The following DCLRE1C variants were observed in gnomAD, a reference collection of about 807,000 sequenced individuals.
The protein encoded by DCLRE1C is protein artemis.
Under a neutral mutation model 61.4 loss-of-function variants are expected in DCLRE1C, and 47 were observed. The observed-to-expected ratio is 0.77, with a 90% CI of 0.61 to 0.98. The LOEUF is 0.98. Ranked by LOEUF, DCLRE1C falls within the 50% of genes least tolerant of loss-of-function variation. The probability of loss-of-function intolerance (pLI) is 0.00; values close to 1 mark genes in which losing one functional copy is unlikely to be tolerated. For synonymous variants in DCLRE1C, 337 were observed against 287.6 expected, an observed-to-expected ratio of 1.17 and a Z score of -1.74; for missense variants, 858 against 816.0, an observed-to-expected ratio of 1.05 and a Z score of -0.63.
chr10:14,946,588 C>G (rs967878373), intron 2 of DCLRE1C, among the ~76,000 whole-genome samples: 1 of 152,080 alleles, frequency 6.6e-6, no homozygotes, highest in Non-Finnish European at 1.5e-5. Flanking sequence ...CCTCCTAGCT[C>G]TCTCTTAGGA....
At chr10:14,928,529 C>G (rs984433297) in intron 9 of DCLRE1C, among the ~76,000 whole-genome samples, 1 of 152,202 alleles carries the variant, frequency 6.6e-6, no homozygotes, top group Admixed American at 6.5e-5. Flanking sequence ...CTGGGGACAT[C>G]TGAACACGGA....
chr10:14,899,597 C>T, intron 13 of DCLRE1C: 1 of 1,614,164 alleles, frequency 6.2e-7, no homozygotes, highest in Non-Finnish European at 8.5e-7. Flanking sequence ...AAGGGAATCA[C>T]GTATCTCTTT....
chr10:14,908,894 G>A lies in DCLRE1C; in HGVS notation c.1593C>T (p.His531=). ...ACTGGGAAGAATTCTGGGAGGAGAT[G>A]TGAGTTGATTCTCCATCAGAGTCAC... ...LFSDSDGEST[H]ISSQNSSQST... is the part of the protein sequence containing the mutation. The change falls in exon 14 of 14, where the codon CAC becomes CAT. Residue 531 remains histidine, a synonymous_variant. Coordinates refer to ENST00000378278, the MANE Select transcript of DCLRE1C (RefSeq NM_001033855.3). 1 of 1,614,220 alleles carries A rather than the reference G, an allele frequency of 6.2e-7. No homozygotes were observed.
At chr10:14,932,789 C>T (rs964564169) in intron 9 of DCLRE1C, 65 bp downstream of exon 9, 8 of 1,578,336 alleles carry the variant, frequency 5.1e-6, no homozygotes, top group Non-Finnish European at 7.0e-6. Flanking sequence ...TAAATGGAAG[C>T]CCTGACCTTT....
In DCLRE1C at chr10:14,912,258, G is replaced by T. The variant is rs550528753; in HGVS notation, c.1157-2928C>A. ...TTAAGCAGAGACAAGTTTTCACCAT[G>T]TTGGCCAGGTTGGTCTTGAACTCCT... On this transcript the variant is annotated intron_variant, in intron 13 of 13. Transcript: ENST00000378278. 2.6e-5 allele frequency among the ~76,000 whole-genome samples: 4 copies of T among 152,240 alleles called. No individual in the cohort carries two copies. The South Asian group carries it at 6.2e-4, about 24-fold the overall frequency.
intron 13 of DCLRE1C, chr10:14,899,381 T>C: frequency 1.3e-6 from 1 of 784,094 alleles, no homozygotes; most frequent in Non-Finnish European, 2.1e-6. Flanking sequence ...TCCCACCTCT[T>C]TGCATCTGAG....
At chr10:14,902,948 C>T (rs1834122242), downstream of DCLRE1C, 1 of 153,132 alleles carries the variant, frequency 6.5e-6, no homozygotes, top group Admixed American at 6.5e-5. Flanking sequence ...ACTCTATTGT[C>T]ATTCCTGTTT....
At chr10:14,926,606 AAC>A (rs1243526541) in intron 11 of DCLRE1C, among the ~76,000 whole-genome samples, 9 of 151,540 alleles carry the variant, frequency 5.9e-5, no homozygotes, top group African/African-American at 1.9e-4. Context: ...GTGAGCCGAG[AAC>A]ACACCACTGT....
chr10:14,939,858 T>G lies in DCLRE1C; in HGVS notation c.258A>C (p.Glu86Asp). ...AAGATATCTGGGTAGGAGTCTCGAT[T>G]TCAATAGATATCTATAAAAATAAAA... ...RFWKKRIISI[E>D]IETPTQISLV... The change falls in exon 4 of 14, where the codon GAA becomes GAC. Residue 86 changes from glutamate to aspartate, a missense_variant. Transcript: ENST00000378278. 6.3e-7 allele frequency: 1 copy of G among 1,595,134 alleles called. No homozygotes were observed. The highest frequency in any genetic ancestry group is 1.7e-5 in the Admixed American group (1 of 59,868).
chr10:14,934,538 G>C lies in DCLRE1C; in HGVS notation c.538-18C>G. ...CACTCCTCCTAGACAGGATTTTAAAGAGACATTTAACAGGTGGAGAGCCGC... is the reference window on the plus strand; with the variant it reads ...CACTCCTCCTAGACAGGATTTTAAACAGACATTTAACAGGTGGAGAGCCGC... On this transcript the variant is annotated intron_variant, in intron 7 of 13. Transcript: ENST00000378278. 6.2e-7 allele frequency: 1 copy of C among 1,614,088 alleles called. No individual in the cohort carries two copies. Among genetic ancestry groups the C allele is most frequent in the African/African-American group, 1.3e-5 (1 of 75,026 alleles).
chr10:14,929,099 C>A (rs1458613629), intron 9 of DCLRE1C, among the ~76,000 whole-genome samples: 1 of 152,128 alleles, frequency 6.6e-6, no homozygotes, highest in East Asian at 1.9e-4. Flanking sequence ...AGTCTTACAA[C>A]TTTACTGTTT....
chr10:14,927,704 C>A (rs1838256709), intron 10 of DCLRE1C, among the ~76,000 whole-genome samples: 3 of 152,032 alleles, frequency 2.0e-5, no homozygotes, highest in Admixed American at 2.0e-4. Context: ...TCATGATAGT[C>A]ACTCCTCTGC....
In DCLRE1C at chr10:14,948,704, C is replaced by T. The variant is rs139027749; in HGVS notation, c.161+332G>A. ...CAGCCTGGGCGACATAGCAAAACTC[C>T]ATCTCTGTTTTTTTTGTTGCTGTCG... On this transcript the variant is annotated intron_variant, in intron 2 of 13. Coordinates refer to ENST00000378278, the MANE Select transcript of DCLRE1C (RefSeq NM_001033855.3). 3.4e-3 allele frequency among the ~76,000 whole-genome samples: 511 copies of T among 151,272 alleles called. 1 individual carries two copies. Among genetic ancestry groups the T allele is most frequent in the African/African-American group, 0.012 (492 of 40,766 alleles).
At chr10:14,951,176 C>T (rs547841761) in intron 1 of DCLRE1C, among the ~76,000 whole-genome samples, 2 of 151,944 alleles carry the variant, frequency 1.3e-5, no homozygotes, top group South Asian at 2.1e-4. Flanking sequence ...CCCAGGAGTT[C>T]GATACCAGCC....
At chr10:14,937,525 AC>A (rs1180820768) in intron 4 of DCLRE1C, among the ~76,000 whole-genome samples, 2 of 151,978 alleles carry the variant, frequency 1.3e-5, no homozygotes, top group African/African-American at 4.8e-5. Flanking sequence ...CTCAAGTGAT[AC>A]ATCTGCCTCG....
At position 14,904,921 on chromosome 10, in the gene DCLRE1C, T is replaced by A. The variant is rs1433377102; in HGVS notation, c.*3487A>T. On this transcript the variant is annotated 3_prime_UTR_variant, in exon 14 of 14. Coordinates refer to ENST00000378278, the MANE Select transcript of DCLRE1C (RefSeq NM_001033855.3). ...AGGATCTACATTAAGAGGATGGTGA[T>A]ACATAATTAGTAATCTCAGGGTTTT... Among the ~76,000 whole-genome samples, 5 of 152,252 alleles carry A rather than the reference T, an allele frequency of 3.3e-5. No homozygotes were observed. The highest frequency in any genetic ancestry group is 1.2e-4 in the African/African-American group (5 of 41,464).
At chr10:14,897,574 A>G in exon 14 of DCLRE1C, 1 of 1,386,470 alleles carries the variant, frequency 7.2e-7, no homozygotes, top group Non-Finnish European at 9.5e-7. Flanking sequence ...TACTTTTGGA[A>G]AATTACCTTT....
At chr10:14,932,125 G>A (rs1589045027) in intron 9 of DCLRE1C, among the ~76,000 whole-genome samples, 1 of 152,184 alleles carries the variant, frequency 6.6e-6, no homozygotes, top group Non-Finnish European at 1.5e-5. Context: ...ATAGGAGGCT[G>A]AGGCAGGACA....
chr10:14,918,564 A>G (rs887149845), intron 13 of DCLRE1C, among the ~76,000 whole-genome samples: 2 of 151,924 alleles, frequency 1.3e-5, no homozygotes, highest in African/African-American at 2.4e-5. Flanking sequence ...TATACAAAAA[A>G]TTTATCAAAT....
Sources: gnomAD v4.1 joint callset for allele counts (sites outside exome capture counted in the v4.1 genomes callset) on GRCh38, gnomAD v4.1.1 for gene constraint, MANE v1.5 for transcripts, NCBI Gene and HGNC (gene_info 2026-07-23, HGNC 2026-07-21) for gene names.